The following MYLK variants were observed in gnomAD, a reference collection of about 807,000 sequenced individuals.
The protein encoded by MYLK is myosin light chain kinase.
A neutral mutation model predicts 203.4 loss-of-function variants in MYLK; 106 were observed. The observed-to-expected ratio is 0.52, with a 90% CI of 0.45 to 0.61. MYLK has a LOEUF of 0.61. Among genes scored for constraint, MYLK ranks in the 20% least tolerant of loss-of-function variants. The pLI is 0.00. For synonymous variants in MYLK, 867 were observed against 959.5 expected, an observed-to-expected ratio of 0.90 and a Z score of 1.78; for missense variants, 2,072 against 2,442.3, an observed-to-expected ratio of 0.85 and a Z score of 3.20.
chr3:123,777,683 G>A (rs994065743), intron 4 of MYLK, among the ~76,000 whole-genome samples: 1 of 152,210 alleles, frequency 6.6e-6, no homozygotes, highest in Non-Finnish European at 1.5e-5. Context: ...TGGAGCAGAC[G>A]ATAGTGGTGA....
rs2059418764 is a variant in MYLK, at chr3:123,657,309, C to T, written c.4105G>A (p.Glu1369Lys). ...GGSAVQSYSI[E>K]IWDSANKTWK... is the part of the protein sequence containing the mutation. The stretch of plus-strand genomic sequence containing the variant: ...GTCTTGTTGGCTGAGTCCCAGATCT[C>T]GATGCTGTAGGACTGTACAGCACTG... The change falls in exon 24 of 34, where the codon GAG (glutamate) becomes AAG (lysine). Residue 1369 changes from glutamate to lysine, a missense_variant. Around this residue, in one of 3 missense-constraint regions of MYLK, gnomAD observed 524 missense variants for 782.4 expected, o/e 0.67. Transcript: ENST00000360304. 1 of 1,614,056 alleles carries T rather than the reference C, an allele frequency of 6.2e-7. No homozygotes were observed.
chr3:123,632,072 G>A (rs935879005), intron 29 of MYLK, among the ~76,000 whole-genome samples: 1 of 152,048 alleles, frequency 6.6e-6, no homozygotes, highest in African/African-American at 2.4e-5. Context: ...GGGTTTCACA[G>A]TGTTCGTCAG....
intron 2 of MYLK, among the ~76,000 whole-genome samples, chr3:123,847,925 T>C (rs867514576): frequency 1.3e-4 from 20 of 152,144 alleles, no homozygotes; most frequent in African/African-American, 4.3e-4. Flanking sequence ...CCCCAGTTTC[T>C]ATCCTCTTAG....
intron 2 of MYLK, among the ~76,000 whole-genome samples, chr3:123,872,629 C>T (rs1435342388): frequency 2.6e-5 from 4 of 152,242 alleles, no homozygotes; most frequent in South Asian, 2.1e-4. Context: ...GTTTATTTTA[C>T]AGGATACAAT....
chr3:123,769,502 CT>C (rs1030349253), intron 4 of MYLK, among the ~76,000 whole-genome samples: 3 of 152,230 alleles, frequency 2.0e-5, no homozygotes, highest in African/African-American at 7.2e-5. Flanking sequence ...TGGCCACTTC[CT>C]TTTGGCAGCA....
intron 11 of MYLK, among the ~76,000 whole-genome samples, chr3:123,732,638 A>G (rs770592589): frequency 3.3e-5 from 5 of 152,202 alleles, no homozygotes; most frequent in Non-Finnish European, 7.3e-5. Context: ...TGAGGGACCT[A>G]GGAAAGGTAG....
chr3:123,717,066 G>A (rs1049852363), intron 13 of MYLK, among the ~76,000 whole-genome samples: 4 of 152,154 alleles, frequency 2.6e-5, no homozygotes, highest in Non-Finnish European at 5.9e-5. Context: ...TATAAAAAAG[G>A]CAAGTTAAAA....
intron 33 of MYLK, among the ~76,000 whole-genome samples, chr3:123,615,821 G>A (rs563132532): frequency 1.3e-5 from 2 of 151,122 alleles, no homozygotes; most frequent in East Asian, 1.9e-4. Context: ...GCTAATTTTC[G>A]TATTTTTTGT....
At chr3:123,833,789 C>G (rs2066406452) in intron 2 of MYLK, among the ~76,000 whole-genome samples, 1 of 152,150 alleles carries the variant, frequency 6.6e-6, no homozygotes, top group Admixed American at 6.5e-5. Context: ...GGCATTACAT[C>G]TATCCCCGAG....
chr3:123,803,172 A>G (rs1252641193), intron 3 of MYLK, among the ~76,000 whole-genome samples: 1 of 152,174 alleles, frequency 6.6e-6, no homozygotes, highest in East Asian at 1.9e-4. Context: ...TCAGCTGTAC[A>G]ATGCGGCTAC....
At chr3:123,850,612 T>C (rs1233138766) in intron 2 of MYLK, among the ~76,000 whole-genome samples, 6 of 152,224 alleles carry the variant, frequency 3.9e-5, no homozygotes, top group Non-Finnish European at 8.8e-5. Flanking sequence ...TCTTGTAAAT[T>C]TGTTTGAGTT....
intron 27 of MYLK, chr3:123,646,833 A>G (rs2059037956): frequency 4.5e-6 from 1 of 221,016 alleles, no homozygotes; most frequent in Non-Finnish European, 9.1e-6. Context: ...TTTCACAGGG[A>G]AGTCAGGAAG....
In MYLK at chr3:123,707,809, G is replaced by C; in HGVS notation, c.2335C>G (p.Leu779Val). 1 of 1,614,202 alleles carries C rather than the reference G, an allele frequency of 6.2e-7. No individual in the cohort carries two copies. Among genetic ancestry groups the C allele is most frequent in the Non-Finnish European group, 8.5e-7 (1 of 1,180,022 alleles). Reference protein sequence around the residue: ...EVLQNEDVFTLVLKKVQPWHA... With the variant: ...EVLQNEDVFTVVLKKVQPWHA... ...CAGGGCTGCACCTTCTTTAGAACCA[G>C]GGTGAACACGTCCTCATTCTGAAGC... is the stretch of plus-strand genomic sequence containing the variant. Residue 779 changes from leucine (L) to valine (V), a missense_variant, in exon 16 of 34, where the codon CTG becomes GTG. Physicochemically the swap from Leu to Val is conservative, Grantham distance 32 (BLOSUM62 1). Coordinates refer to ENST00000360304, the MANE Select transcript of MYLK (RefSeq NM_053025.4).
chr3:123,781,138 G>A (rs2064282958), intron 4 of MYLK, among the ~76,000 whole-genome samples: 1 of 152,220 alleles, frequency 6.6e-6, no homozygotes, highest in South Asian at 2.1e-4. Context: ...TGCTGGTCTG[G>A]GGAACTAGCC....
chr3:123,688,285 G>A (rs1251012613), intron 19 of MYLK, among the ~76,000 whole-genome samples: 1 of 152,078 alleles, frequency 6.6e-6, no homozygotes, highest in Non-Finnish European at 1.5e-5. Flanking sequence ...GACCGCTTGA[G>A]AGGTCAAATA....
At chr3:123,724,139 CTTTTTTT>C (rs5852359) in intron 12 of MYLK, among the ~76,000 whole-genome samples, 5 of 80,860 alleles carry the variant, frequency 6.2e-5, no homozygotes, top group African/African-American at 2.1e-4. Flanking sequence ...CTAAGTTTTG[CTTTTTTT>C]TTTTTTTTTT....
intron 4 of MYLK, among the ~76,000 whole-genome samples, chr3:123,757,776 A>G (rs1035753340): frequency 6.6e-6 from 1 of 152,202 alleles, no homozygotes; most frequent in Non-Finnish European, 1.5e-5. Flanking sequence ...CTAGATGGAC[A>G]TCTCCCCTAA....
chr3:123,862,910 G>A (rs2032040332), intron 2 of MYLK, among the ~76,000 whole-genome samples: 1 of 152,100 alleles, frequency 6.6e-6, no homozygotes. Context: ...GAACTCCCCT[G>A]CTTCCTGAAT....
At position 123,756,638 on chromosome 3, in the gene MYLK, A is replaced by G. The variant is rs559353119; in HGVS notation, c.166-4100T>C. Among the ~76,000 whole-genome samples, 61 of 152,322 alleles carry G rather than the reference A, an allele frequency of 4.0e-4. No homozygotes were observed. In the South Asian group the frequency reaches 0.012, roughly 29 times the overall value. On this transcript the variant is annotated intron_variant, in intron 4 of 33. Transcript: ENST00000360304. ...TTCCCCTGCATTCTCCTCTGGGTCC[A>G]ACCCACAGCCTTAGTACCCTCTAAT...
Sources: allele counts gnomAD v4.1 joint callset (sites outside exome capture counted in the v4.1 genomes callset), GRCh38; gene constraint gnomAD v4.1.1; regional missense constraint gnomAD v4.1.1; transcripts MANE v1.5; gene names NCBI Gene and HGNC (gene_info 2026-07-23, HGNC 2026-07-21).